PCM1: variants seen among roughly 807,000 people sequenced by gnomAD.
The protein encoded by PCM1 is pericentriolar material 1.
A neutral mutation model predicts 241.9 loss-of-function variants in PCM1; 157 were observed. The observed-to-expected ratio is 0.65, with a 90% confidence interval of 0.57 to 0.74. PCM1 has a LOEUF of 0.74. Ranked by LOEUF, PCM1 falls within the 30% of genes least tolerant of loss-of-function variation. PCM1 has a pLI of 0.00. For synonymous variants in PCM1, 1,085 were observed against 784.9 expected (o/e 1.38, Z -6.39); for missense variants, 3,478 against 2,360.1 (o/e 1.47, Z -9.81).
intron 13 of PCM1, among the ~76,000 whole-genome samples, chr8:17,959,296 AATT>A (rs1274677176): frequency 6.8e-6 from 1 of 147,784 alleles, no homozygotes; most frequent in Non-Finnish European, 1.5e-5. Context: ...CAAATATGAT[AATT>A]ATAAAATATA....
intron 31 of PCM1, among the ~76,000 whole-genome samples, 198 bp downstream of exon 31, chr8:18,009,942 A>G (rs1002618382): frequency 6.6e-6 from 1 of 152,230 alleles, no homozygotes; most frequent in African/African-American, 2.4e-5. Flanking sequence ...AAGATCAGGA[A>G]TGCGGGCAGG....
In PCM1 at chr8:17,962,141, T is replaced by C; in HGVS notation, c.2430T>C (p.Phe810=). 1 of 1,609,306 alleles carries C rather than the reference T, an allele frequency of 6.2e-7. No individual in the cohort carries two copies. The highest frequency in any genetic ancestry group is 8.5e-7 in the Non-Finnish European group (1 of 1,177,128). Residue 810 remains phenylalanine (F), a synonymous_variant, in exon 16 of 39, where the codon TTT becomes TTC. Transcript: ENST00000325083. Reference sequence around the variant, plus strand: ...AGACCAGTACAAGCAAATCTGTTTTTGAGCCTGAAGATTCTTCAATAGTAG... The same window carrying C: ...AGACCAGTACAAGCAAATCTGTTTTCGAGCCTGAAGATTCTTCAATAGTAG... The part of the protein sequence containing the change: ...QHETSTSKSV[F]EPEDSSIVDN...
At chr8:17,993,738 A>G (rs1384497626) in intron 29 of PCM1, 119 bp downstream of exon 29, 2 of 817,746 alleles carry the variant, frequency 2.4e-6, no homozygotes, top group Non-Finnish European at 3.6e-6. Context: ...AAAAACTATC[A>G]CCCATAATTT....
chr8:17,980,814 C>A, intron 24 of PCM1, 59 bp downstream of exon 24: 1 of 1,340,834 alleles, frequency 7.5e-7, no homozygotes, highest in Non-Finnish European at 1.0e-6. Context: ...ATTTGAAAAG[C>A]TATAATAAAG....
At chr8:17,968,762 G>GTGTATATATA (rs373502456) in intron 21 of PCM1, among the ~76,000 whole-genome samples, 8 of 136,734 alleles carry the variant, frequency 5.9e-5, no homozygotes, top group African/African-American at 1.9e-4. Flanking sequence ...GTGTGTGTGT[G>GTGTATATATA]TATATATATA....
Position 17,960,092 on chromosome 8 carries a change from A to G in PCM1, c.2119A>G (p.Lys707Glu), listed in dbSNP as rs1194664534. ...TTTCTACCCAGCAGAAGAAGACACC[A>G]AGCAAAATTCAAATAACACTAGAGG... Reference protein sequence around the residue: ...DDFYPAEEDTKQNSNNTRGNA... With the variant: ...DDFYPAEEDTEQNSNNTRGNA... Residue 707 changes from lysine (K) to glutamate (E), a missense_variant, in exon 14 of 39, where the codon AAG becomes GAG. Lys to Glu is a moderately conservative substitution (Grantham distance 56). Transcript: ENST00000325083. 3 of 1,609,366 alleles carry G rather than the reference A, an allele frequency of 1.9e-6. 1 individual carries two copies. The highest frequency in any genetic ancestry group is 2.5e-6 in the Non-Finnish European group (3 of 1,177,206).
At position 17,952,224 on chromosome 8, in the gene PCM1, A is replaced by AAAATAAATAAATAAATAAAT. The variant is rs148620624; in HGVS notation, c.1072-734_1072-715dup. Among the ~76,000 whole-genome samples the AAAATAAATAAATAAATAAAT allele has an allele frequency of 7.4e-3, 1,094 of 147,064 alleles. 17 individuals carry two copies. Among genetic ancestry groups the AAAATAAATAAATAAATAAAT allele is most frequent in the African/African-American group, 0.025 (995 of 39,376 alleles). On this transcript the variant is annotated intron_variant, in intron 8 of 38. Transcript: ENST00000325083. ...GGCCACAGAGTGAGACTTTGTCTCA[A>AAAATAAATAAATAAATAAAT]AAATAAATAAATAAATAAATAAATA...
chr8:18,018,935 A>G (rs979734955), intron 36 of PCM1, among the ~76,000 whole-genome samples: 2 of 110,726 alleles, frequency 1.8e-5, no homozygotes, highest in African/African-American at 7.1e-5. Context: ...ATAATATATA[A>G]CAAAGTTGGA....
At chr8:17,986,274 A>G (rs2082561405) in intron 26 of PCM1, 187 bp downstream of exon 26, 1 of 412,500 alleles carries the variant, frequency 2.4e-6, no homozygotes, top group East Asian at 3.9e-5. Flanking sequence ...ATATGGTAGC[A>G]AACACCAAAA....
chr8:18,014,688 T>G lies in PCM1; in HGVS notation c.5689T>G (p.Ser1897Ala), dbSNP rs774928717. The change falls in exon 36 of 39, where the codon TCA becomes GCA. Residue 1897 changes from serine (S) to alanine (A), a missense_variant. Coordinates refer to ENST00000325083, the MANE Select transcript of PCM1 (RefSeq NM_006197.4). ...AHKESPPTVD[S>A]TQQPNPLPLR... Reference sequence around the variant, plus strand: ...TAAGGAGTCACCTCCTACTGTTGATTCAACTCAACAGCCTAACCCTTTGCC... The same window carrying G: ...TAAGGAGTCACCTCCTACTGTTGATGCAACTCAACAGCCTAACCCTTTGCC... 25 of 1,613,872 alleles carry G rather than the reference T, an allele frequency of 1.5e-5. No homozygotes were observed. Among genetic ancestry groups the G allele is most frequent in the Non-Finnish European group, 2.0e-5 (24 of 1,179,860 alleles).
chr8:17,933,288 T>C (rs2059550312), intron 2 of PCM1, among the ~76,000 whole-genome samples: 1 of 152,228 alleles, frequency 6.6e-6, no homozygotes, highest in African/African-American at 2.4e-5. Flanking sequence ...TAGTACTGAT[T>C]TAACCATATA....
chr8:18,020,817 G>A (rs112445579), intron 36 of PCM1, among the ~76,000 whole-genome samples: 14 of 152,164 alleles, frequency 9.2e-5, no homozygotes, highest in African/African-American at 3.1e-4. Context: ...TGCCTTTGGA[G>A]TGAGTGATGA....
chr8:17,992,252 A>G (rs1173815084), intron 28 of PCM1, among the ~76,000 whole-genome samples: 2 of 152,198 alleles, frequency 1.3e-5, no homozygotes, highest in African/African-American at 4.8e-5. Context: ...TCTTCTGGGC[A>G]GATACCTAGT....
At chr8:17,942,468 A>G (rs2062417862) in intron 6 of PCM1, among the ~76,000 whole-genome samples, 1 of 152,114 alleles carries the variant, frequency 6.6e-6, no homozygotes, top group South Asian at 2.1e-4. Flanking sequence ...AAAAAAAATA[A>G]TGAAATAAAA....
chr8:17,971,539 A>G (rs2076854157), intron 22 of PCM1, among the ~76,000 whole-genome samples: 1 of 152,240 alleles, frequency 6.6e-6, no homozygotes, highest in Non-Finnish European at 1.5e-5. Context: ...AAATGACAGT[A>G]GACTAATAGA....
intron 36 of PCM1, among the ~76,000 whole-genome samples, chr8:18,018,016 A>G (rs189586132): frequency 1.3e-5 from 2 of 152,348 alleles, no homozygotes; most frequent in East Asian, 3.9e-4. Flanking sequence ...GTTGGTGGAT[A>G]CCTTATCCAC....
At chr8:17,990,220 A>G (rs1304634451) in intron 27 of PCM1, among the ~76,000 whole-genome samples, 1 of 152,064 alleles carries the variant, frequency 6.6e-6, no homozygotes. Flanking sequence ...CTACCTTGCT[A>G]TGTTCTTGTG....
chr8:17,941,282 T>A (rs550471814), intron 6 of PCM1, among the ~76,000 whole-genome samples: 1 of 152,310 alleles, frequency 6.6e-6, no homozygotes, highest in Admixed American at 6.5e-5. Context: ...TGTATAGATT[T>A]ATTGTAATTT....
At chr8:17,964,454 T>G in intron 17 of PCM1, 114 bp from the exon 18 acceptor site, 1 of 715,318 alleles carries the variant, frequency 1.4e-6, no homozygotes, top group Non-Finnish European at 2.3e-6. Context: ...TTAAATGAAA[T>G]TTTATATACA....
Sources: gnomAD v4.1 joint callset for allele counts (sites outside exome capture counted in the v4.1 genomes callset) on GRCh38, gnomAD v4.1.1 for gene constraint, MANE v1.5 for transcripts, NCBI Gene and HGNC (gene_info 2026-07-23, HGNC 2026-07-21) for gene names.